CSRNP3: variants seen among roughly 807,000 people sequenced by gnomAD.
The protein encoded by CSRNP3 is cysteine and serine rich nuclear protein 3.
In CSRNP3, 12 loss-of-function variants were observed where a neutral mutation model predicts 48.0. The observed-to-expected ratio is 0.25, with a 90% confidence interval of 0.16 to 0.41. CSRNP3 has a LOEUF of 0.41. Among genes scored for constraint, CSRNP3 ranks in the 10% least tolerant of loss-of-function variants. The pLI is 1.00. For missense variants in CSRNP3, 580 were observed against 724.4 expected (o/e 0.80, Z 2.29); for synonymous variants, 263 against 269.7 (o/e 0.98, Z 0.24).
At chr2:165,637,347 T>G (rs1022021432) in intron 4 of CSRNP3, among the ~76,000 whole-genome samples, 1 of 152,216 alleles carries the variant, frequency 6.6e-6, no homozygotes, top group African/African-American at 2.4e-5. Flanking sequence ...GTGGAAACAC[T>G]ACTACCCAGT....
intron 5 of CSRNP3, among the ~76,000 whole-genome samples, chr2:165,661,753 G>A (rs926637135): frequency 8.5e-5 from 13 of 152,202 alleles, no homozygotes; most frequent in Admixed American, 6.6e-4. Context: ...GTTGGCCTGA[G>A]TTGGTCCTTT....
At chr2:165,609,478 A>G (rs1466806988) in intron 4 of CSRNP3, among the ~76,000 whole-genome samples, 1 of 150,668 alleles carries the variant, frequency 6.6e-6, no homozygotes, top group East Asian at 1.9e-4. Context: ...AAAAAAAAAA[A>G]AAAAAAAAAA....
intron 1 of CSRNP3, among the ~76,000 whole-genome samples, chr2:165,493,655 C>T (rs1162056727): frequency 6.6e-6 from 1 of 152,084 alleles, no homozygotes; most frequent in Non-Finnish European, 1.5e-5. Context: ...GCAAAATGAC[C>T]TGGACCCAAG....
chr2:165,545,364 T>G (rs751107509), intron 3 of CSRNP3, among the ~76,000 whole-genome samples: 3 of 152,080 alleles, frequency 2.0e-5, no homozygotes, highest in African/African-American at 4.8e-5. Context: ...AGGTTGAGAA[T>G]AATCCAGTAG....
At chr2:165,470,866 T>C (rs1683884828) in intron 1 of CSRNP3, among the ~76,000 whole-genome samples, 1 of 152,054 alleles carries the variant, frequency 6.6e-6, no homozygotes, top group Non-Finnish European at 1.5e-5. Flanking sequence ...ATAAAAGTCT[T>C]TCAATGAGGT....
chr2:165,654,035 T>C (rs1686963123), intron 4 of CSRNP3, among the ~76,000 whole-genome samples: 1 of 149,212 alleles, frequency 6.7e-6, no homozygotes, highest in African/African-American at 2.5e-5. Context: ...TAATAATGAT[T>C]TTAAATGAGT....
chr2:165,529,190 G>C (rs1684780740), intron 3 of CSRNP3, among the ~76,000 whole-genome samples: 1 of 152,210 alleles, frequency 6.6e-6, no homozygotes, highest in Non-Finnish European at 1.5e-5. Context: ...TGGGGGAACT[G>C]TTGGGAAGGC....
At chr2:165,668,637 T>C (rs187676146) in intron 5 of CSRNP3, among the ~76,000 whole-genome samples, 2 of 152,140 alleles carry the variant, frequency 1.3e-5, no homozygotes, top group African/African-American at 4.8e-5. Flanking sequence ...CCTGAGCTCG[T>C]TATCTGCCTG....
At chr2:165,577,932 C>T (rs1685479846) in intron 3 of CSRNP3, among the ~76,000 whole-genome samples, 1 of 151,832 alleles carries the variant, frequency 6.6e-6, no homozygotes, top group African/African-American at 2.4e-5. Flanking sequence ...ACAAAATAAG[C>T]AAAATTTATT....
At chr2:165,665,775 A>AAGAGAG (rs10645178) in intron 5 of CSRNP3, among the ~76,000 whole-genome samples, 18,013 of 130,966 alleles carry the variant, frequency 0.14, 1,396 homozygotes, top group South Asian at 0.3. Flanking sequence ...AAAAGAAAGA[A>AAGAGAG]AGAGAGAGAG....
chr2:165,676,955 G>C (rs922198130), intron 6 of CSRNP3, among the ~76,000 whole-genome samples: 1 of 152,128 alleles, frequency 6.6e-6, no homozygotes, highest in African/African-American at 2.4e-5. Context: ...CCTAACACTG[G>C]AGTGTGTATT....
chr2:165,667,001 G>GGAA (rs1343879710), intron 5 of CSRNP3, among the ~76,000 whole-genome samples: 1 of 143,634 alleles, frequency 7.0e-6, no homozygotes. Flanking sequence ...GAAAGAGAGA[G>GGAA]AGAGGAAGGA....
chr2:165,555,727 A>C (rs1305973067), intron 3 of CSRNP3, among the ~76,000 whole-genome samples: 2 of 152,234 alleles, frequency 1.3e-5, no homozygotes, highest in Non-Finnish European at 2.9e-5. Flanking sequence ...CAGTTTTGTG[A>C]ATTCAGAGGC....
At chr2:165,581,119 A>C (rs934589890) in intron 3 of CSRNP3, among the ~76,000 whole-genome samples, 3 of 152,206 alleles carry the variant, frequency 2.0e-5, no homozygotes, top group Non-Finnish European at 4.4e-5. Context: ...AGTTAACCTT[A>C]GGGAAGAACT....
rs149010288 is a variant in CSRNP3, at chr2:165,508,994, G to T, written c.-112-8879G>T. Among the ~76,000 whole-genome samples, 27 of 152,248 alleles carry T rather than the reference G, an allele frequency of 1.8e-4. No individual in the cohort carries two copies. In the East Asian group the frequency reaches 5.2e-3, roughly 29 times the overall value. ...TTTATGGACTAACACTGACTTAACAGATATTAGCATATTGCTTTTTCCAAA... is the reference window on the plus strand; with the variant it reads ...TTTATGGACTAACACTGACTTAACATATATTAGCATATTGCTTTTTCCAAA... On this transcript the variant is annotated intron_variant, in intron 2 of 6. Transcript: ENST00000651982.
intron 3 of CSRNP3, among the ~76,000 whole-genome samples, chr2:165,551,447 G>T (rs1299268049): frequency 6.6e-6 from 1 of 152,110 alleles, no homozygotes; most frequent in Non-Finnish European, 1.5e-5. Flanking sequence ...TTCTTTCTCT[G>T]TTGTCCCTTG....
chr2:165,640,232 T>TG (rs1686702066), intron 4 of CSRNP3, among the ~76,000 whole-genome samples: 1 of 152,222 alleles, frequency 6.6e-6, no homozygotes, highest in Non-Finnish European at 1.5e-5. Flanking sequence ...GTTACAAATA[T>TG]TTATTTAATC....
At chr2:165,656,678 GT>G (rs1687010716) in intron 4 of CSRNP3, among the ~76,000 whole-genome samples, 1 of 152,136 alleles carries the variant, frequency 6.6e-6, no homozygotes, top group Non-Finnish European at 1.5e-5. Context: ...TCAAGTGAAA[GT>G]TTTATTAGAT....
chr2:165,513,714 T>G (rs1463806865), intron 2 of CSRNP3, among the ~76,000 whole-genome samples: 1 of 152,190 alleles, frequency 6.6e-6, no homozygotes, highest in Non-Finnish European at 1.5e-5. Flanking sequence ...ACTGACCTAC[T>G]GAAGATACCC....
Sources: gnomAD v4.1 joint callset for allele counts (sites outside exome capture counted in the v4.1 genomes callset) on GRCh38, gnomAD v4.1.1 for gene constraint, MANE v1.5 for transcripts, NCBI Gene and HGNC (gene_info 2026-07-23, HGNC 2026-07-21) for gene names.